ADSS2: variants seen among roughly 807,000 people sequenced by gnomAD.
ADSS2 encodes the protein adenylosuccinate synthase 2, also known as adenylosuccinate synthetase isozyme 2.
In ADSS2, 30 loss-of-function variants were observed where a neutral mutation model predicts 60.0. The observed-to-expected ratio is 0.50, with a 90% CI of 0.37 to 0.68. The LOEUF (loss-of-function observed/expected upper bound fraction) is 0.68, where lower values mean the gene tolerates loss of function less well. Ranked by LOEUF, ADSS2 falls within the 30% of genes least tolerant of loss-of-function variation. The pLI is 0.00. For missense variants in ADSS2, 373 were observed against 554.8 expected, an observed-to-expected ratio of 0.67 and a Z score of 3.29; for synonymous variants, 187 against 193.1, an observed-to-expected ratio of 0.97 and a Z score of 0.26.
chr1:244,418,319 G>A (rs757379885), intron 9 of ADSS2, among the ~76,000 whole-genome samples: 1 of 150,944 alleles, frequency 6.6e-6, no homozygotes, highest in African/African-American at 2.5e-5. Context: ...GTTTATTTTT[G>A]TTGACTTTAT....
intron 10 of ADSS2, 118 bp downstream of exon 10, chr1:244,417,510 A>C (rs1261267940): frequency 1.3e-5 from 17 of 1,287,122 alleles, no homozygotes; most frequent in Non-Finnish European, 1.8e-5. Context: ...CTGGCACTAC[A>C]ATTTCAATAT....
rs766661968 is a variant in ADSS2 at position 244,420,299 on chromosome 1, A to C, written c.664-3T>G. The C allele has an allele frequency of 6.2e-7, 1 of 1,600,550 alleles. No individual in the cohort carries two copies. Among genetic ancestry groups the C allele is most frequent in the Non-Finnish European group, 8.5e-7 (1 of 1,172,958 alleles). On this transcript the variant is annotated splice_region_variant and splice_polypyrimidine_tract_variant and intron_variant, in intron 7 of 12. Transcript: ENST00000366535. ...GGTTTAATCTTTTCCATATAACCCT[A>C]TACACAAAGACAAAAACCAATTTCC... is the stretch of plus-strand genomic sequence containing the variant.
At chr1:244,415,930 C>T (rs1664518410) in intron 11 of ADSS2, 51 bp downstream of exon 11, 1 of 1,332,260 alleles carries the variant, frequency 7.5e-7, no homozygotes, top group African/African-American at 1.5e-5. Context: ...TGAAACTGCT[C>T]TAATACATTC....
In ADSS2 at chr1:244,416,022, A is replaced by G; in HGVS notation, c.1127T>C (p.Val376Ala). Residue 376 changes from valine to alanine, a missense_variant, in exon 11 of 13, where the codon GTT becomes GCT. Transcript: ENST00000366535. ...LDMFTEIKVG[V>A]AYKLDGEIIP... is the part of the protein sequence containing the mutation. ...GATTTCACCATCTAACTTGTAAGCA[A>G]CTCCAACTTTGATTTCCGTAAACAT... 6.2e-7 allele frequency: 1 copy of G among 1,613,908 alleles called. No individual in the cohort carries two copies. Among genetic ancestry groups the G allele is most frequent in the Non-Finnish European group, 8.5e-7 (1 of 1,179,946 alleles).
At chr1:244,415,844 T>G (rs562044368) in intron 11 of ADSS2, 137 bp downstream of exon 11, 16 of 622,228 alleles carry the variant, frequency 2.6e-5, no homozygotes, top group Non-Finnish European at 3.3e-5. Context: ...TAATAATAAG[T>G]GAGCAAATTT....
chr1:244,433,450 C>T (rs1158253494), intron 3 of ADSS2, among the ~76,000 whole-genome samples: 1 of 152,116 alleles, frequency 6.6e-6, no homozygotes, highest in Admixed American at 6.5e-5. Flanking sequence ...TTCTAGGAAT[C>T]CAAAAGGCAA....
intron 4 of ADSS2, among the ~76,000 whole-genome samples, chr1:244,427,315 CT>C (rs1223397751): frequency 6.6e-6 from 1 of 152,098 alleles, no homozygotes; most frequent in Non-Finnish European, 1.5e-5. Flanking sequence ...ATTACAGCCC[CT>C]AGAGCAACTA....
At chr1:244,424,274 T>C (rs772928790) in intron 5 of ADSS2, 47 bp downstream of exon 5, 2 of 1,543,792 alleles carry the variant, frequency 1.3e-6, no homozygotes, top group South Asian at 1.2e-5. Flanking sequence ...AATATAAAGG[T>C]CTGCATATGC....
chr1:244,425,794 T>G (rs1399970048), intron 4 of ADSS2, among the ~76,000 whole-genome samples: 1 of 152,172 alleles, frequency 6.6e-6, no homozygotes, highest in African/African-American at 2.4e-5. Flanking sequence ...TTTAAAAATA[T>G]CTAGTAAGCA....
chr1:244,447,420 T>C (rs1019011965), intron 1 of ADSS2, among the ~76,000 whole-genome samples: 3 of 152,138 alleles, frequency 2.0e-5, no homozygotes, highest in African/African-American at 4.8e-5. Flanking sequence ...ACCACTGAGA[T>C]GGTCTCATAC....
intron 3 of ADSS2, among the ~76,000 whole-genome samples, chr1:244,435,224 T>C (rs1267019240): frequency 7.6e-6 from 1 of 131,836 alleles, no homozygotes; most frequent in East Asian, 2.2e-4. Context: ...ATAACAGTAA[T>C]TGAGTGTTTT....
At chr1:244,430,036 A>C (rs1406812476) in intron 4 of ADSS2, among the ~76,000 whole-genome samples, 1 of 152,120 alleles carries the variant, frequency 6.6e-6, no homozygotes, top group East Asian at 1.9e-4. Context: ...CCTACATTTC[A>C]GTCTGCGCTT....
intron 11 of ADSS2, among the ~76,000 whole-genome samples, chr1:244,411,956 A>G (rs1014214084): frequency 6.6e-6 from 1 of 152,154 alleles, no homozygotes; most frequent in Non-Finnish European, 1.5e-5. Context: ...CTTTGACTTG[A>G]GTCAATACAG....
At chr1:244,434,487 C>T (rs897838049) in intron 3 of ADSS2, among the ~76,000 whole-genome samples, 4 of 151,966 alleles carry the variant, frequency 2.6e-5, no homozygotes, top group African/African-American at 9.7e-5. Context: ...TTTGTTTTTC[C>T]CTGAAGATTT....
intron 4 of ADSS2, chr1:244,424,943 C>T (rs896540986): frequency 6.5e-6 from 1 of 152,830 alleles, no homozygotes; most frequent in Non-Finnish European, 1.5e-5. Flanking sequence ...AAAAAAGAGA[C>T]AAAATTCAGT....
chr1:244,451,491 G>A lies in ADSS2; in HGVS notation c.183+144C>T. 2 of 913,484 alleles carry A rather than the reference G, an allele frequency of 2.2e-6. No homozygotes were observed. Among genetic ancestry groups the A allele is most frequent in the East Asian group, 2.8e-5 (1 of 35,982 alleles). 56.6% of individuals were successfully genotyped at this position (913,484 alleles called of 1,614,324 possible). A position where few individuals can be genotyped will look rare whatever the true frequency, so the allele number is the denominator to read the frequency against. Reference sequence around the variant, plus strand: ...CCCGCCATTTCTCCACGTAGCCGCAGCTCAGGACAGGAGGAGAGAGCCTCA... The same window carrying A: ...CCCGCCATTTCTCCACGTAGCCGCAACTCAGGACAGGAGGAGAGAGCCTCA... On this transcript the variant is annotated intron_variant, in intron 1 of 12. Transcript: ENST00000366535. This position sits in a 1 kb window ranked among gnomAD's most constrained non-coding sequence, Gnocchi z 6.6.
chr1:244,415,734 G>A (rs897085458), intron 11 of ADSS2, among the ~76,000 whole-genome samples: 3 of 152,194 alleles, frequency 2.0e-5, no homozygotes, highest in Non-Finnish European at 4.4e-5. Context: ...CTCAAGAGCT[G>A]TATGGCTAGG....
At chr1:244,412,519 C>T (rs1002055414) in intron 11 of ADSS2, among the ~76,000 whole-genome samples, 1 of 152,160 alleles carries the variant, frequency 6.6e-6, no homozygotes, top group Admixed American at 6.5e-5. Flanking sequence ...CACTGAGATT[C>T]GAGCACGGTG....
chr1:244,438,780 C>T (rs1665162634), intron 1 of ADSS2, among the ~76,000 whole-genome samples: 1 of 152,084 alleles, frequency 6.6e-6, no homozygotes, highest in East Asian at 1.9e-4. Flanking sequence ...TTTGTTGCCA[C>T]GTAGTATTAC....
Sources: allele counts gnomAD v4.1 joint callset (sites outside exome capture counted in the v4.1 genomes callset), GRCh38; gene constraint gnomAD v4.1.1; non-coding constraint Gnocchi (gnomAD v3.1); transcripts MANE v1.5; gene names NCBI Gene and HGNC (gene_info 2026-07-23, HGNC 2026-07-21).